The following SLC45A4 variants were observed in gnomAD, a reference collection of about 807,000 sequenced individuals.
SLC45A4 encodes the protein polyamine-transporter SLC45A4.
Under a neutral mutation model 63.7 loss-of-function variants are expected in SLC45A4, and 32 were observed. The observed-to-expected ratio is 0.50, with a 90% CI of 0.38 to 0.67. SLC45A4 has a LOEUF of 0.67. Ranked by LOEUF, SLC45A4 falls within the 30% of genes least tolerant of loss-of-function variation. SLC45A4 has a pLI of 0.00. For missense variants in SLC45A4, 1,027 were observed against 1,157.7 expected (o/e 0.89, Z 1.64); for synonymous variants, 535 against 510.0 (o/e 1.05, Z -0.66).
chr8:141,220,054 A>G (rs937633011), intron 3 of SLC45A4, among the ~76,000 whole-genome samples: 6 of 152,250 alleles, frequency 3.9e-5, no homozygotes, highest in African/African-American at 1.2e-4. Flanking sequence ...CCGTTCGGTT[A>G]GCTGTTTATC....
At chr8:141,250,021 G>C (rs549445578) in intron 2 of SLC45A4, among the ~76,000 whole-genome samples, 1 of 152,306 alleles carries the variant, frequency 6.6e-6, no homozygotes, top group East Asian at 1.9e-4. Context: ...CATCTGGTGA[G>C]GGTCAGTTTG....
intron 5 of SLC45A4, among the ~76,000 whole-genome samples, chr8:141,217,740 C>A (rs1171713189): frequency 6.6e-6 from 1 of 152,198 alleles, no homozygotes; most frequent in Non-Finnish European, 1.5e-5. Context: ...GTAACAGACA[C>A]CCCGTTCACA....
At chr8:141,258,483 T>A (rs552402587) in intron 1 of SLC45A4, among the ~76,000 whole-genome samples, 1 of 152,056 alleles carries the variant, frequency 6.6e-6, no homozygotes, top group East Asian at 1.9e-4. Context: ...CAGGCAACCA[T>A]CGGCCTCTCA....
chr8:141,291,657 C>T (rs904515095), intron 1 of SLC45A4, among the ~76,000 whole-genome samples: 3 of 152,304 alleles, frequency 2.0e-5, no homozygotes, highest in East Asian at 1.9e-4. Flanking sequence ...AACGTATGAA[C>T]GACTACAGGT....
intron 1 of SLC45A4, among the ~76,000 whole-genome samples, chr8:141,282,417 C>T (rs987161515): frequency 2.0e-5 from 3 of 152,222 alleles, no homozygotes; most frequent in Admixed American, 2.0e-4. Flanking sequence ...CAAGCTCACC[C>T]GCTGGGCGGC....
At chr8:141,216,068 A>G (rs1281948759) in intron 6 of SLC45A4, 98 bp from the exon 7 acceptor site, 5 of 1,047,692 alleles carry the variant, frequency 4.8e-6, no homozygotes, top group Non-Finnish European at 6.9e-6. Context: ...CATCCCCCCG[A>G]CCTCCACTCC....
Position 141,254,460 on chromosome 8 carries a change from T to G in SLC45A4, c.-231A>C, listed in dbSNP as rs936677738. On this transcript the variant is annotated 5_prime_UTR_variant, in exon 2 of 9. Coordinates refer to ENST00000517878, the MANE Select transcript of SLC45A4 (RefSeq NM_001286646.2). This position sits in a 1 kb window ranked among gnomAD's most constrained non-coding sequence, Gnocchi z 4.5. ...TTGGTTGGATTTTAAACATATGGCTTGCTGGTTTACTGTGAATTAGAGTTA... is the reference window on the plus strand; with the variant it reads ...TTGGTTGGATTTTAAACATATGGCTGGCTGGTTTACTGTGAATTAGAGTTA... 9 of 659,936 alleles carry G rather than the reference T, an allele frequency of 1.4e-5. No homozygotes were observed. The highest frequency in any genetic ancestry group is 2.5e-5 in the Non-Finnish European group (9 of 365,152). 40.9% of individuals were successfully genotyped at this position (659,936 alleles called of 1,614,324 possible). A position where few individuals can be genotyped will look rare whatever the true frequency, so the allele number is the denominator to read the frequency against.
intron 2 of SLC45A4, among the ~76,000 whole-genome samples, chr8:141,240,058 G>C (rs149537329): frequency 3.9e-5 from 6 of 152,366 alleles, no homozygotes; most frequent in African/African-American, 1.4e-4. Context: ...CGATTCACAC[G>C]AAACGACAAT....
At chr8:141,280,407 A>G (rs1829888404) in intron 1 of SLC45A4, among the ~76,000 whole-genome samples, 1 of 152,246 alleles carries the variant, frequency 6.6e-6, no homozygotes, top group Non-Finnish European at 1.5e-5. Context: ...AATAAAAGGG[A>G]ACAAAGGAGC....
At chr8:141,272,717 C>G (rs560248079) in intron 1 of SLC45A4, among the ~76,000 whole-genome samples, 1 of 152,178 alleles carries the variant, frequency 6.6e-6, no homozygotes, top group Non-Finnish European at 1.5e-5. Context: ...GTGGTGCTGT[C>G]CTAGGCACAC....
intron 2 of SLC45A4, 141 bp downstream of exon 2, chr8:141,253,848 C>T: frequency 7.4e-7 from 1 of 1,355,186 alleles, no homozygotes; most frequent in Non-Finnish European, 9.8e-7. Flanking sequence ...TCAGGGCAGG[C>T]TGAAGGGAGA....
At chr8:141,275,572 G>A (rs990584288) in intron 1 of SLC45A4, among the ~76,000 whole-genome samples, 3 of 151,326 alleles carry the variant, frequency 2.0e-5, no homozygotes, top group Non-Finnish European at 4.4e-5. Context: ...AATAGGTGGC[G>A]TGTTCCAGCC....
intron 1 of SLC45A4, among the ~76,000 whole-genome samples, chr8:141,301,671 G>C (rs1268190574): frequency 7.1e-6 from 1 of 141,842 alleles, no homozygotes; most frequent in Admixed American, 7.6e-5. Context: ...GGAGGTCGAG[G>C]CTGCAGTGAG....
Position 141,274,768 on chromosome 8 carries a change from T to C in SLC45A4, c.-400-20139A>G, listed in dbSNP as rs532333908. Among the ~76,000 whole-genome samples the C allele has an allele frequency of 3.5e-4, 53 of 152,310 alleles. No homozygotes were observed. The Middle Eastern group carries it at 0.014, about 39-fold the overall frequency. On this transcript the variant is annotated intron_variant, in intron 1 of 8. Transcript: ENST00000517878. The stretch of plus-strand genomic sequence containing the variant: ...CACCTCTACTACTTGCTGGATGACA[T>C]GGCATGGCTGAGCCACTAAAAACAT...
chr8:141,305,820 T>C (rs1276657084), intron 1 of SLC45A4, among the ~76,000 whole-genome samples: 2 of 152,282 alleles, frequency 1.3e-5, no homozygotes, highest in African/African-American at 4.8e-5. Context: ...ACAACACAGA[T>C]ACAATCCATT....
chr8:141,303,880 T>C (rs1312908984), intron 1 of SLC45A4, among the ~76,000 whole-genome samples: 2 of 151,846 alleles, frequency 1.3e-5, no homozygotes, highest in African/African-American at 4.8e-5. Flanking sequence ...CCAGTAGAGG[T>C]GGGAGGGTGA....
Position 141,215,479 on chromosome 8 carries a change from A to G in SLC45A4, c.1941+280T>C, listed in dbSNP as rs1156607579. ...CCTCAGGGAAATGTGACTGGGCCTG[A>G]GGGGACCAAAGGGGCAGGGACAGTG... is the stretch of plus-strand genomic sequence containing the variant. On this transcript the variant is annotated intron_variant, in intron 7 of 8. Transcript: ENST00000517878. This position sits in a 1 kb window ranked among gnomAD's most constrained non-coding sequence, Gnocchi z 4.3. 6.6e-6 allele frequency among the ~76,000 whole-genome samples: 1 copy of G among 151,778 alleles called. No homozygotes were observed. Among genetic ancestry groups the G allele is most frequent in the African/African-American group, 2.4e-5 (1 of 41,318 alleles).
At chr8:141,253,893 G>A in intron 2 of SLC45A4, 96 bp downstream of exon 2, 2 of 1,491,342 alleles carry the variant, frequency 1.3e-6, no homozygotes, top group Non-Finnish European at 1.8e-6. Context: ...GGCTCTCCAG[G>A]ACGCACCATC....
At chr8:141,267,768 C>T (rs998400024) in intron 1 of SLC45A4, among the ~76,000 whole-genome samples, 1 of 152,180 alleles carries the variant, frequency 6.6e-6, no homozygotes, top group Non-Finnish European at 1.5e-5. Context: ...GTGGTGCCAC[C>T]ACACACCTAT....
Sources: gnomAD v4.1 joint callset for allele counts (sites outside exome capture counted in the v4.1 genomes callset) on GRCh38, gnomAD v4.1.1 for gene constraint, Gnocchi (gnomAD v3.1) non-coding constraint, MANE v1.5 for transcripts, NCBI Gene and HGNC (gene_info 2026-07-23, HGNC 2026-07-21) for gene names.